ASPA: variants seen among roughly 807,000 people sequenced by gnomAD.
ASPA encodes aspartoacylase.
In ASPA, 25 loss-of-function variants were observed where a neutral mutation model predicts 29.6. The observed-to-expected ratio is 0.85, with a 90% CI of 0.62 to 1.18. ASPA has a LOEUF of 1.18. ASPA is among the 50% of genes most tolerant of loss of function. The probability of loss-of-function intolerance (pLI) is 0.00; values close to 1 mark genes in which losing one functional copy is unlikely to be tolerated. For synonymous variants in ASPA, 131 were observed against 130.3 expected (o/e 1.01, Z -0.04); for missense variants, 333 against 385.7 (o/e 0.86, Z 1.14).
At chr17:3,497,379 TGGG>T (rs2073927150) in intron 5 of ASPA, among the ~76,000 whole-genome samples, 1 of 151,990 alleles carries the variant, frequency 6.6e-6, no homozygotes, top group Non-Finnish European at 1.5e-5. Context: ...GAACTATAAA[TGGG>T]TAGCATGAGG....
intron 3 of ASPA, among the ~76,000 whole-genome samples, chr17:3,484,763 C>T (rs1465355538): frequency 2.0e-5 from 3 of 152,140 alleles, no homozygotes; most frequent in Non-Finnish European, 4.4e-5. Flanking sequence ...TCGCCTGGGA[C>T]CAGCAGCAGA....
At chr17:3,481,928 G>A (rs1173639002) in intron 2 of ASPA, 130 bp downstream of exon 2, 2 of 881,332 alleles carry the variant, frequency 2.3e-6, no homozygotes, top group Non-Finnish European at 3.5e-6. Context: ...CCATAGCCAG[G>A]CTTGGTGGTT....
intron 5 of ASPA, among the ~76,000 whole-genome samples, 191 bp downstream of exon 5, chr17:3,494,650 G>A (rs952836483): frequency 1.3e-5 from 2 of 152,148 alleles, no homozygotes; most frequent in Non-Finnish European, 2.9e-5. Flanking sequence ...TGCTGGCTGT[G>A]TGGACACACC....
At chr17:3,483,478 G>A in intron 2 of ASPA, 21 bp from the exon 3 acceptor site, 1 of 1,600,418 alleles carries the variant, frequency 6.2e-7, no homozygotes, top group Non-Finnish European at 8.6e-7. Flanking sequence ...ACCTAAGAAA[G>A]ACGTTTTTGA....
At position 3,499,070 on chromosome 17, in the gene ASPA, T is replaced by C; in HGVS notation, c.924T>C (p.Ile308=). ...AACTAACGCTCAATGCAAAAAGTAT[T>C]CGCTGCTGTTTACATTAGAAATCAC... The part of the protein sequence containing the change: ...TTKLTLNAKS[I]RCCLH The change falls in exon 6 of 6, where the codon ATT becomes ATC. Residue 308 remains isoleucine, a synonymous_variant. Transcript: ENST00000263080. 6.2e-7 allele frequency: 1 copy of C among 1,614,074 alleles called. No individual in the cohort carries two copies.
intron 2 of ASPA, among the ~76,000 whole-genome samples, chr17:3,482,304 T>C (rs935796779): frequency 6.6e-6 from 1 of 152,138 alleles, no homozygotes; most frequent in Non-Finnish European, 1.5e-5. Flanking sequence ...CCTGCCCTCG[T>C]CCCCATTTGA....
At position 3,502,280 on chromosome 17, in the gene ASPA, C is replaced by T. The variant is rs1567621957; in HGVS notation, c.*3192C>T. 1 of 152,202 alleles carries T rather than the reference C, an allele frequency of 6.6e-6. No homozygotes were observed. Among genetic ancestry groups the T allele is most frequent in the Non-Finnish European group, 1.5e-5 (1 of 68,032 alleles). 9.4% of individuals were successfully genotyped at this position (152,202 alleles called of 1,614,324 possible). ...ATAATGCTATTACACATTTAACATA[C>T]TACATATAGTGTGAGCATAACTTTT... On this transcript the variant is annotated 3_prime_UTR_variant, in exon 6 of 6. Coordinates refer to ENST00000263080, the MANE Select transcript of ASPA (RefSeq NM_000049.4).
rs532480536 is a variant in ASPA at position 3,496,902 on chromosome 17, C to T, written c.745-1989C>T. Among the ~76,000 whole-genome samples the T allele has an allele frequency of 3.2e-4, 48 of 151,944 alleles. No individual in the cohort carries two copies. The East Asian group carries it at 8.7e-3, about 28-fold the overall frequency. ...TAACACGGTGAAACCCCATCTCTAC[C>T]AAAAATACAAAAAATTAGCCGGGCA... On this transcript the variant is annotated intron_variant, in intron 5 of 5. Transcript: ENST00000263080.
At chr17:3,493,951 G>C (rs1472952735) in intron 4 of ASPA, among the ~76,000 whole-genome samples, 1 of 151,782 alleles carries the variant, frequency 6.6e-6, no homozygotes, top group Non-Finnish European at 1.5e-5. Context: ...AACGTTATCT[G>C]TTCTCCCCAT....
chr17:3,478,524 T>C (rs527337757), intron 1 of ASPA, among the ~76,000 whole-genome samples: 9 of 152,228 alleles, frequency 5.9e-5, no homozygotes, highest in African/African-American at 2.2e-4. Context: ...CTAACTTCTA[T>C]ATTACAAGTA....
Position 3,501,495 on chromosome 17 carries a change from GA to G in ASPA, c.*2408del. ...ATCTCATGATCACACTTGAATGGAT[GA>G]GGAGTCGCTTCTTATAAATGAGCAA... On this transcript the variant is annotated 3_prime_UTR_variant, in exon 6 of 6. Transcript: ENST00000263080. The G allele has an allele frequency of 6.5e-6, 1 of 153,352 alleles. No homozygotes were observed. Among genetic ancestry groups the G allele is most frequent in the South Asian group, 2.0e-4 (1 of 4,908 alleles). 9.5% of individuals were successfully genotyped at this position (153,352 alleles called of 1,614,324 possible).
chr17:3,493,560 C>CA (rs746229421), intron 4 of ASPA, among the ~76,000 whole-genome samples: 33,235 of 56,160 alleles, frequency 0.59, 9,615 homozygotes, highest in East Asian at 0.79. Context: ...GGTTCCATCT[C>CA]AAAAAAAAAA....
chr17:3,499,628 C>A lies in ASPA; in HGVS notation c.*540C>A, dbSNP rs1279276375. The A allele has an allele frequency of 6.6e-6, 1 of 152,236 alleles. No homozygotes were observed. Among genetic ancestry groups the A allele is most frequent in the Non-Finnish European group, 1.5e-5 (1 of 68,218 alleles). The allele number at this position is 152,236 out of a possible 1,614,324, so 9.4% of individuals were successfully genotyped here. On this transcript the variant is annotated 3_prime_UTR_variant, in exon 6 of 6. Transcript: ENST00000263080. The stretch of plus-strand genomic sequence containing the variant: ...TGCTATGGTGATCTGTGATCAGTGG[C>A]CTTTGATGTTACTGTTGTTAAGTGT...
At chr17:3,492,904 A>C (rs537425681) in intron 4 of ASPA, among the ~76,000 whole-genome samples, 2 of 152,338 alleles carry the variant, frequency 1.3e-5, no homozygotes, top group South Asian at 4.1e-4. Flanking sequence ...AACCCACAGA[A>C]TCATGAACTA....
chr17:3,486,474 T>C (rs2073724035), intron 3 of ASPA, among the ~76,000 whole-genome samples: 1 of 152,228 alleles, frequency 6.6e-6, no homozygotes, highest in Non-Finnish European at 1.5e-5. Flanking sequence ...CTGTTTGTCA[T>C]CTATTCACTT....
rs1247584994 is a variant in ASPA, at chr17:3,488,848, C to G, written c.527-387C>G. Among the ~76,000 whole-genome samples the G allele has an allele frequency of 6.6e-6, 1 of 152,034 alleles. No individual in the cohort carries two copies. The highest frequency in any genetic ancestry group is 1.9e-4 in the East Asian group (1 of 5,196). On this transcript the variant is annotated intron_variant, in intron 3 of 5. Coordinates refer to ENST00000263080, the MANE Select transcript of ASPA (RefSeq NM_000049.4). This position sits in a 1 kb window ranked among gnomAD's most constrained non-coding sequence, Gnocchi z 6.1. ...CTCCCGTCACAGCTAAATGTTAGAT[C>G]TTAACAGTTTCTCTTCAGGTCCACC...
At position 3,488,901 on chromosome 17, in the gene ASPA, AC is replaced by A. The variant is rs1183501010; in HGVS notation, c.527-332del. 6.6e-6 allele frequency among the ~76,000 whole-genome samples: 1 copy of A among 152,162 alleles called. No individual in the cohort carries two copies. Among genetic ancestry groups the A allele is most frequent in the African/African-American group, 2.4e-5 (1 of 41,438 alleles). Reference sequence around the variant, plus strand: ...TTATTTTGTCAGCATAAACTTGTTCACCTTTTTTACTATGTTATGACTTTTA... The same window carrying A: ...TTATTTTGTCAGCATAAACTTGTTCACTTTTTTACTATGTTATGACTTTTA... On this transcript the variant is annotated intron_variant, in intron 3 of 5. Transcript: ENST00000263080. This position sits in a 1 kb window ranked among gnomAD's most constrained non-coding sequence, Gnocchi z 6.1.
At chr17:3,484,203 T>G (rs993925344) in intron 3 of ASPA, among the ~76,000 whole-genome samples, 3 of 152,194 alleles carry the variant, frequency 2.0e-5, no homozygotes, top group African/African-American at 7.2e-5. Flanking sequence ...GAACTTTCCC[T>G]GACCCTCCTC....
intron 3 of ASPA, among the ~76,000 whole-genome samples, chr17:3,484,715 A>C (rs963592398): frequency 6.6e-6 from 1 of 152,242 alleles, no homozygotes; most frequent in Non-Finnish European, 1.5e-5. Flanking sequence ...AATTGCTATA[A>C]AAGTTTCTAA....
Sources: gnomAD v4.1 joint callset for allele counts (sites outside exome capture counted in the v4.1 genomes callset) on GRCh38, gnomAD v4.1.1 for gene constraint, Gnocchi (gnomAD v3.1) non-coding constraint, MANE v1.5 for transcripts, NCBI Gene and HGNC (gene_info 2026-07-23, HGNC 2026-07-21) for gene names.